The following MAPK10 variants were observed in gnomAD, a reference collection of about 807,000 sequenced individuals.
MAPK10 encodes the protein JNK3 alpha protein kinase.
Under a neutral mutation model 59.3 loss-of-function variants are expected in MAPK10, and 25 were observed. That is an observed-to-expected ratio of 0.42 (90% confidence interval 0.31 to 0.59). The LOEUF is 0.59. Among genes scored for constraint, MAPK10 ranks in the 20% least tolerant of loss-of-function variants. The pLI is 0.15. For missense variants in MAPK10, 351 were observed against 568.9 expected, an observed-to-expected ratio of 0.62 and a Z score of 3.90; for synonymous variants, 190 against 200.5, an observed-to-expected ratio of 0.95 and a Z score of 0.44.
chr4:86,223,656 C>T (rs569165913), intron 2 of MAPK10, among the ~76,000 whole-genome samples: 1 of 152,244 alleles, frequency 6.6e-6, no homozygotes, highest in African/African-American at 2.4e-5. Flanking sequence ...ATCCCCAAAT[C>T]TCACCCCTCC....
intron 11 of MAPK10, chr4:86,044,617 T>C (rs1011889755): frequency 5.1e-6 from 2 of 395,928 alleles, no homozygotes; most frequent in African/African-American, 4.1e-5. Flanking sequence ...TCATATACTA[T>C]GATTTTAAAG....
chr4:86,559,384 T>C (rs1760501624), intron 1 of MAPK10, among the ~76,000 whole-genome samples: 1 of 152,158 alleles, frequency 6.6e-6, no homozygotes, highest in Non-Finnish European at 1.5e-5. Flanking sequence ...TTAAGATTTA[T>C]TCCAAGCTTG....
intron 2 of MAPK10, among the ~76,000 whole-genome samples, chr4:86,293,964 C>T (rs2095294447): frequency 6.6e-6 from 1 of 152,174 alleles, no homozygotes; most frequent in Non-Finnish European, 1.5e-5. Flanking sequence ...CACCGCTCTG[C>T]CTGAGGACTT....
chr4:86,434,119 G>T (rs1748396099), intron 1 of MAPK10, among the ~76,000 whole-genome samples: 2 of 152,190 alleles, frequency 1.3e-5, no homozygotes, highest in South Asian at 2.1e-4. Context: ...TGGTGACAAA[G>T]GTACCAAGAA....
intron 1 of MAPK10, among the ~76,000 whole-genome samples, chr4:86,564,658 T>C (rs529295054): frequency 6.6e-6 from 1 of 152,144 alleles, no homozygotes; most frequent in Non-Finnish European, 1.5e-5. Context: ...CCCATGCACA[T>C]ATAGCGCCAT....
chr4:86,349,022 A>G (rs1361130625), intron 2 of MAPK10, among the ~76,000 whole-genome samples: 2 of 152,226 alleles, frequency 1.3e-5, no homozygotes, highest in Admixed American at 1.3e-4. Flanking sequence ...GCTACACATA[A>G]TATTCCCAAC....
chr4:86,129,222 T>C (rs1033391968), intron 4 of MAPK10, among the ~76,000 whole-genome samples: 5 of 152,194 alleles, frequency 3.3e-5, no homozygotes, highest in Non-Finnish European at 7.4e-5. Context: ...TTAAATAATG[T>C]GCTCACAAAA....
intron 2 of MAPK10, among the ~76,000 whole-genome samples, chr4:86,250,761 A>G (rs1488772428): frequency 2.0e-5 from 3 of 152,170 alleles, no homozygotes; most frequent in East Asian, 1.9e-4. Flanking sequence ...TTCCTTAACA[A>G]TGTACTACTG....
intron 1 of MAPK10, among the ~76,000 whole-genome samples, chr4:86,377,190 C>T (rs1739952946): frequency 6.6e-6 from 1 of 152,154 alleles, no homozygotes; most frequent in African/African-American, 2.4e-5. Flanking sequence ...CAGATTAACA[C>T]TAGCACTCTG....
At chr4:86,547,974 A>C (rs1704466602) in intron 1 of MAPK10, among the ~76,000 whole-genome samples, 2 of 152,180 alleles carry the variant, frequency 1.3e-5, no homozygotes, top group South Asian at 4.1e-4. Flanking sequence ...AATCAGCAGG[A>C]TGTGGGTGGA....
chr4:86,017,241 C>A lies in MAPK10; in HGVS notation c.1382G>T (p.Gly461Val), dbSNP rs1743679229. The A allele has an allele frequency of 6.2e-7, 1 of 1,613,900 alleles. No individual in the cohort carries two copies. The highest frequency in any genetic ancestry group is 1.7e-5 in the Admixed American group (1 of 59,998). Reference protein sequence around the residue: ...SSLEASAGPLGCCR With the variant: ...SSLEASAGPLVCCR ...GCAGGCGGCTAGTCACCTGCAACAA[C>A]CCAGGGGTCCTGCCGAGGCTTCCAG... Residue 461 changes from glycine to valine, a missense_variant, in exon 14 of 14, where the codon GGT becomes GTT. Gly to Val is a moderately radical substitution (Grantham distance 109). Coordinates refer to ENST00000641462, the MANE Select transcript of MAPK10 (RefSeq NM_138982.4). This position sits in a 1 kb window ranked among gnomAD's most constrained non-coding sequence, Gnocchi z 4.4.
At chr4:86,303,089 A>G (rs2095499527) in intron 2 of MAPK10, among the ~76,000 whole-genome samples, 1 of 152,186 alleles carries the variant, frequency 6.6e-6, no homozygotes. Context: ...ATGACAGAAG[A>G]AAAATGTCTT....
chr4:86,372,431 C>T (rs143473875), intron 1 of MAPK10, among the ~76,000 whole-genome samples: 2 of 151,720 alleles, frequency 1.3e-5, no homozygotes, highest in East Asian at 3.9e-4. Context: ...GCAGAGGAAT[C>T]TCTTGAACCC....
intron 12 of MAPK10, among the ~76,000 whole-genome samples, chr4:86,030,612 T>C (rs1458434337): frequency 1.3e-5 from 2 of 152,128 alleles, no homozygotes; most frequent in Admixed American, 1.3e-4. Context: ...GGATTACAGG[T>C]GTGAGTCATC....
chr4:86,148,731 T>G (rs1205794070), intron 4 of MAPK10, among the ~76,000 whole-genome samples: 1 of 152,192 alleles, frequency 6.6e-6, no homozygotes, highest in Non-Finnish European at 1.5e-5. Flanking sequence ...TTTGAGTAGA[T>G]GATCATAAAA....
At chr4:86,153,529 T>G (rs2066965049) in intron 4 of MAPK10, among the ~76,000 whole-genome samples, 1 of 152,314 alleles carries the variant, frequency 6.6e-6, no homozygotes, top group East Asian at 1.9e-4. Context: ...ACATCAACAA[T>G]TAAATATTTA....
chr4:86,156,668 G>A (rs952048214), intron 4 of MAPK10, among the ~76,000 whole-genome samples: 1 of 151,946 alleles, frequency 6.6e-6, no homozygotes, highest in Non-Finnish European at 1.5e-5. Context: ...TCCTTGGCTT[G>A]GCAAGAAACA....
intron 4 of MAPK10, among the ~76,000 whole-genome samples, chr4:86,140,485 A>G (rs2063386467): frequency 1.4e-5 from 2 of 138,016 alleles, no homozygotes; most frequent in African/African-American, 5.9e-5. Context: ...TTGAACAATG[A>G]GAACACATGG....
At chr4:86,557,288 TAATAA>T (rs1760342674) in intron 1 of MAPK10, among the ~76,000 whole-genome samples, 2 of 152,038 alleles carry the variant, frequency 1.3e-5, no homozygotes, top group South Asian at 2.1e-4. Flanking sequence ...GTGTAAGATA[TAATAA>T]AATAACAACC....
Sources: gnomAD v4.1 joint callset for allele counts (sites outside exome capture counted in the v4.1 genomes callset) on GRCh38, gnomAD v4.1.1 for gene constraint, Gnocchi (gnomAD v3.1) non-coding constraint, MANE v1.5 for transcripts, NCBI Gene and HGNC (gene_info 2026-07-23, HGNC 2026-07-21) for gene names.